The following ACVR1C variants were observed in gnomAD, a reference collection of about 807,000 sequenced individuals.
ACVR1C encodes activin receptor type-1C.
A neutral mutation model predicts 57.9 loss-of-function variants in ACVR1C; 23 were observed. The observed-to-expected ratio is 0.40, with a 90% CI of 0.29 to 0.56. The LOEUF is 0.56. Among genes scored for constraint, ACVR1C ranks in the 20% least tolerant of loss-of-function variants. ACVR1C has a pLI of 0.50. For synonymous variants in ACVR1C, 214 were observed against 215.3 expected (o/e 0.99, Z 0.05); for missense variants, 480 against 607.9 (o/e 0.79, Z 2.21).
Position 157,531,348 on chromosome 2 carries a change from CAGTT to C in ACVR1C, c.*2566_*2569del, listed in dbSNP as rs1312662889. The C allele has an allele frequency of 1.3e-5, 2 of 151,874 alleles. No homozygotes were observed. The highest frequency in any genetic ancestry group is 2.9e-5 in the Non-Finnish European group (2 of 67,934). 9.4% of individuals were successfully genotyped at this position (151,874 alleles called of 1,614,324 possible). ...TTTGTAATTGAAATATAAGACTACT[CAGTT>C]AGGAGTCATAGTTAAACAACACAAG... is the stretch of plus-strand genomic sequence containing the variant. On this transcript the variant is annotated 3_prime_UTR_variant, in exon 9 of 9. Transcript: ENST00000243349.
Position 157,527,710 on chromosome 2 carries a change from A to AT in ACVR1C, c.*6207dup. 1 of 152,220 alleles carries AT rather than the reference A, an allele frequency of 6.6e-6. No individual in the cohort carries two copies. Among genetic ancestry groups the AT allele is most frequent in the East Asian group, 1.9e-4 (1 of 5,204 alleles). 9.4% of individuals were successfully genotyped at this position (152,220 alleles called of 1,614,324 possible). On this transcript the variant is annotated 3_prime_UTR_variant, in exon 9 of 9. Transcript: ENST00000243349. ...TTTGGCTCAGATACTCTCATTTTGT[A>AT]TAAAGAGAAAAAAAGGGCTGTGTCC...
intron 8 of ACVR1C, 70 bp from the exon 9 acceptor site, chr2:157,534,113 G>C: frequency 3.2e-6 from 4 of 1,239,238 alleles, no homozygotes; most frequent in African/African-American, 1.6e-5. Flanking sequence ...AAGAAGTAAA[G>C]CCATAAATCC....
intron 2 of ACVR1C, among the ~76,000 whole-genome samples, chr2:157,562,958 T>C (rs1688277435): frequency 1.3e-5 from 2 of 152,166 alleles, no homozygotes. Flanking sequence ...TAGGTATACA[T>C]GGAACATATG....
intron 1 of ACVR1C, among the ~76,000 whole-genome samples, 171 bp from the exon 2 acceptor site, chr2:157,587,588 T>C (rs1688956753): frequency 6.6e-6 from 1 of 152,124 alleles, no homozygotes; most frequent in Non-Finnish European, 1.5e-5. Flanking sequence ...TATATTTCAC[T>C]AAACATCCTG....
chr2:157,623,592 G>A (rs1682833087), intron 1 of ACVR1C, among the ~76,000 whole-genome samples: 1 of 151,912 alleles, frequency 6.6e-6, no homozygotes, highest in African/African-American at 2.4e-5. Context: ...CTGGTTAGCA[G>A]AGGCTGGGAA....
At chr2:157,589,941 C>T (rs976443389) in intron 1 of ACVR1C, among the ~76,000 whole-genome samples, 6 of 151,916 alleles carry the variant, frequency 3.9e-5, no homozygotes, top group Non-Finnish European at 7.4e-5. Context: ...AAAGGATACT[C>T]TATTCAATAA....
chr2:157,554,201 G>GAGAGAGAGAGAGAGAGAAAGAAAGAA (rs1553481316), intron 3 of ACVR1C, among the ~76,000 whole-genome samples: 2 of 41,440 alleles, frequency 4.8e-5, no homozygotes, highest in African/African-American at 1.4e-4. Context: ...ATAAAGAAGA[G>GAGAGAGAGAGAGAGAGAAAGAAAGAA]AGAAAGAAAG....
At chr2:157,583,020 T>C (rs1043726561) in intron 2 of ACVR1C, among the ~76,000 whole-genome samples, 3 of 152,132 alleles carry the variant, frequency 2.0e-5, no homozygotes, top group Admixed American at 2.0e-4. Flanking sequence ...TAGCTGGGAC[T>C]ACAGGCGCGT....
chr2:157,611,392 G>A (rs926268714), intron 1 of ACVR1C, among the ~76,000 whole-genome samples: 8 of 152,134 alleles, frequency 5.3e-5, no homozygotes, highest in Admixed American at 2.0e-4. Context: ...CAGGTGGGTC[G>A]GTCTTTAGGC....
At chr2:157,614,401 T>C (rs1258723660) in intron 1 of ACVR1C, among the ~76,000 whole-genome samples, 1 of 152,160 alleles carries the variant, frequency 6.6e-6, no homozygotes, top group African/African-American at 2.4e-5. Flanking sequence ...TGTATTAGGT[T>C]TGTTCTATGC....
intron 2 of ACVR1C, among the ~76,000 whole-genome samples, chr2:157,575,898 G>C (rs950923376): frequency 6.6e-6 from 1 of 152,110 alleles, no homozygotes; most frequent in African/African-American, 2.4e-5. Flanking sequence ...AATGTCCTCT[G>C]CCTGTCAGCT....
intron 4 of ACVR1C, among the ~76,000 whole-genome samples, chr2:157,545,319 C>T (rs937333887): frequency 1.3e-5 from 2 of 152,280 alleles, no homozygotes; most frequent in South Asian, 4.2e-4. Context: ...CCAGTTCTGA[C>T]ACTCAGGGAA....
At chr2:157,590,420 T>C (rs1263422347) in intron 1 of ACVR1C, among the ~76,000 whole-genome samples, 1 of 152,050 alleles carries the variant, frequency 6.6e-6, no homozygotes, top group Admixed American at 6.6e-5. Context: ...ACTGAATATT[T>C]AAGAAAGAAC....
In ACVR1C at chr2:157,530,659, A is replaced by G. The variant is rs550834846; in HGVS notation, c.*3259T>C. ...GGTTACTATTTTCATACAATCATGGAAATTTAAAATGCAAAGTTAATTGAA... is the reference window on the plus strand; with the variant it reads ...GGTTACTATTTTCATACAATCATGGGAATTTAAAATGCAAAGTTAATTGAA... On this transcript the variant is annotated 3_prime_UTR_variant, in exon 9 of 9. Coordinates refer to ENST00000243349, the MANE Select transcript of ACVR1C (RefSeq NM_145259.3). 54 of 152,228 alleles carry G rather than the reference A, an allele frequency of 3.5e-4. No individual in the cohort carries two copies. Among genetic ancestry groups the G allele is most frequent in the Non-Finnish European group, 5.9e-4 (40 of 67,996 alleles). The allele number at this position is 152,228 out of a possible 1,614,324, so 9.4% of individuals were successfully genotyped here. A position where few individuals can be genotyped will look rare whatever the true frequency, so the allele number is the denominator to read the frequency against.
At chr2:157,597,381 C>G in intron 1 of ACVR1C, 1 of 985,500 alleles carries the variant, frequency 1.0e-6, no homozygotes, top group Non-Finnish European at 1.2e-6. Flanking sequence ...GGTTGGAGCT[C>G]GGAGCCCTCC....
intron 5 of ACVR1C, 122 bp downstream of exon 5, chr2:157,544,323 G>T (rs1687690900): frequency 3.0e-6 from 3 of 988,018 alleles, no homozygotes; most frequent in South Asian, 2.4e-5. Flanking sequence ...GGGATTATGG[G>T]TATAAGCCAC....
At chr2:157,541,357 TG>T in intron 6 of ACVR1C, 143 bp from the exon 7 acceptor site, 1 of 814,254 alleles carries the variant, frequency 1.2e-6, no homozygotes, top group Non-Finnish European at 1.8e-6. Context: ...GAATAATTAT[TG>T]GCTCAACCAT....
In ACVR1C at chr2:157,533,141, G is replaced by A. The variant is rs1302975812; in HGVS notation, c.*777C>T. 1 of 152,168 alleles carries A rather than the reference G, an allele frequency of 6.6e-6. No individual in the cohort carries two copies. Among genetic ancestry groups the A allele is most frequent in the Non-Finnish European group, 1.5e-5 (1 of 68,032 alleles). The allele number at this position is 152,168 out of a possible 1,614,324, so 9.4% of individuals were successfully genotyped here. A position where few individuals can be genotyped will look rare whatever the true frequency, so the allele number is the denominator to read the frequency against. On this transcript the variant is annotated 3_prime_UTR_variant, in exon 9 of 9. Coordinates refer to ENST00000243349, the MANE Select transcript of ACVR1C (RefSeq NM_145259.3). ...ATAGGGAGAAAAGCACTATTCAAGG[G>A]AAAGTAGGAAGCTAGCTAACCTTAC...
intron 1 of ACVR1C, among the ~76,000 whole-genome samples, chr2:157,607,886 C>T (rs929307991): frequency 6.6e-6 from 1 of 151,622 alleles, no homozygotes; most frequent in Non-Finnish European, 1.5e-5. Context: ...AATATAAGAT[C>T]GTGTCCTCTG....
Sources: allele counts gnomAD v4.1 joint callset (sites outside exome capture counted in the v4.1 genomes callset), GRCh38; gene constraint gnomAD v4.1.1; transcripts MANE v1.5; gene names NCBI Gene and HGNC (gene_info 2026-07-23, HGNC 2026-07-21).